The following ZNF248 variants were observed in gnomAD, a reference collection of about 807,000 sequenced individuals.
ZNF248 encodes the protein zinc finger protein 248.
In ZNF248, 20 loss-of-function variants were observed where a neutral mutation model predicts 44.3. The observed-to-expected ratio is 0.45, with a 90% confidence interval of 0.32 to 0.66. ZNF248 has a LOEUF of 0.66. Among genes scored for constraint, ZNF248 ranks in the 30% least tolerant of loss-of-function variants. ZNF248 has a pLI of 0.04. For synonymous variants in ZNF248, 224 were observed against 229.0 expected (o/e 0.98, Z 0.20); for missense variants, 654 against 677.0 (o/e 0.97, Z 0.38).
intron 3 of ZNF248, among the ~76,000 whole-genome samples, chr10:37,841,349 T>A (rs968886163): frequency 6.6e-6 from 1 of 152,120 alleles, no homozygotes; most frequent in Non-Finnish European, 1.5e-5. Context: ...TATTTTAAAG[T>A]TATGTTCTAT....
intron 6 of ZNF248, among the ~76,000 whole-genome samples, chr10:37,804,516 C>T (rs1444925709): frequency 6.6e-6 from 1 of 152,162 alleles, no homozygotes; most frequent in Non-Finnish European, 1.5e-5. Flanking sequence ...TCACTGCAAC[C>T]TCCGCCTCCC....
In ZNF248 at chr10:37,812,288, G is replaced by A. The variant is rs552106956; in HGVS notation, c.330+20737C>T. On this transcript the variant is annotated intron_variant, in intron 6 of 6. Coordinates refer to the ZNF248 transcript ENST00000615949. ...AGGAGGAAGGATATCTGCTTGAACA[G>A]GTCTTTAATGTAGACAAAAGTGTCT... Among the ~76,000 whole-genome samples, 259 of 151,926 alleles carry A rather than the reference G, an allele frequency of 1.7e-3. 1 individual carries two copies. The highest frequency in any genetic ancestry group is 3.2e-3 in the Non-Finnish European group (219 of 67,976).
chr10:37,828,139 G>A, downstream of ZNF248, among the ~76,000 whole-genome samples: 1 of 152,144 alleles, frequency 6.6e-6, no homozygotes, highest in Non-Finnish European at 1.5e-5. Flanking sequence ...GTACATTACA[G>A]GTAATTAGGG....
At chr10:37,820,388 T>A in intron 6 of ZNF248, 3 of 1,488,120 alleles carry the variant, frequency 2.0e-6, no homozygotes, top group Non-Finnish European at 2.8e-6. Flanking sequence ...TTGTTAGCAT[T>A]GCTGACATGA....
the ZNF248 span, among the ~76,000 whole-genome samples, chr10:37,764,766 A>T: frequency 6.6e-6 from 1 of 152,170 alleles, no homozygotes; most frequent in Non-Finnish European, 1.5e-5. Flanking sequence ...GACTGTTAAG[A>T]TCATCAGAAA....
intron 6 of ZNF248, among the ~76,000 whole-genome samples, chr10:37,811,632 C>A (rs1461825840): frequency 6.7e-6 from 1 of 148,882 alleles, no homozygotes; most frequent in Non-Finnish European, 1.5e-5. Flanking sequence ...CCCAAGAGTT[C>A]AAGACCAGTC....
chr10:37,800,350 T>C (rs1242490141), intron 6 of ZNF248, among the ~76,000 whole-genome samples: 4 of 152,186 alleles, frequency 2.6e-5, no homozygotes, highest in Non-Finnish European at 5.9e-5. Flanking sequence ...CTCCCTCTTA[T>C]AAGTAAGAAT....
chr10:37,818,271 C>T (rs1487988238), intron 6 of ZNF248, among the ~76,000 whole-genome samples: 1 of 152,126 alleles, frequency 6.6e-6, no homozygotes, highest in Non-Finnish European at 1.5e-5. Flanking sequence ...CATCAGGAAC[C>T]CCCGTGAGTC....
In ZNF248 at chr10:37,781,063, T is replaced by C. The variant is rs573016505; in HGVS notation, c.331-4488A>G. ...GACCCTTGTAATGTACTGGGTTTAA[T>C]AGTGCGCTTTCAAAATTCTTGTCTA... is the stretch of plus-strand genomic sequence containing the variant. On this transcript the variant is annotated intron_variant, in intron 6 of 6. Coordinates refer to the ZNF248 transcript ENST00000615949. Among the ~76,000 whole-genome samples, 3 of 152,294 alleles carry C rather than the reference T, an allele frequency of 2.0e-5. No individual in the cohort carries two copies. In the East Asian group the frequency reaches 5.8e-4, roughly 29 times the overall value.
chr10:37,825,449 T>C (rs2054230576), downstream of ZNF248, among the ~76,000 whole-genome samples: 1 of 152,132 alleles, frequency 6.6e-6, no homozygotes, highest in South Asian at 2.1e-4. Context: ...ATTTTTTCTT[T>C]TGTTTTTGAG....
chr10:37,836,865 A>G (rs1480407348), intron 5 of ZNF248, among the ~76,000 whole-genome samples: 2 of 151,960 alleles, frequency 1.3e-5, no homozygotes, highest in African/African-American at 4.8e-5. Flanking sequence ...TTATTCTGTT[A>G]ATTACCTAAA....
rs1007820608 is a variant in ZNF248, at chr10:37,837,554, C to T, written c.238+63G>A. On this transcript the variant is annotated intron_variant, in intron 5 of 5. Transcript: ENST00000395867. ...AAAAATATTCCAAAGGTGACAAATC[C>T]TAAACCAATTACCTAAGTTCTAATT... 1.3e-5 allele frequency: 18 copies of T among 1,406,082 alleles called. No homozygotes were observed. The East Asian group carries it at 3.9e-4, about 30-fold the overall frequency. 87.1% of individuals were successfully genotyped at this position (1,406,082 alleles called of 1,614,324 possible). A position where few individuals can be genotyped will look rare whatever the true frequency, so the allele number is the denominator to read the frequency against.
intron 5 of ZNF248, among the ~76,000 whole-genome samples, chr10:37,836,195 T>C (rs889258199): frequency 1.3e-5 from 2 of 152,024 alleles, no homozygotes; most frequent in Non-Finnish European, 2.9e-5. Context: ...CTATCCTCTC[T>C]CCTCTGAAGC....
downstream of ZNF248, among the ~76,000 whole-genome samples, chr10:37,824,997 T>C (rs925100509): frequency 1.1e-4 from 17 of 151,668 alleles, no homozygotes; most frequent in Admixed American, 3.3e-4. Context: ...CAAAATTACT[T>C]AAAAGCTTGA....
chr10:37,793,928 TATA>T lies in ZNF248; in HGVS notation c.331-17356_331-17354del, dbSNP rs200529742. On this transcript the variant is annotated intron_variant, in intron 6 of 6. Transcript: ENST00000615949. ...ATCCCTAAAAATGGATTCTCAGATG[TATA>T]ATTTTTTTAAATCTTGTCAAATGTT... Among the ~76,000 whole-genome samples the T allele has an allele frequency of 6.6e-5, 10 of 152,306 alleles. No homozygotes were observed. In the East Asian group the frequency reaches 1.9e-3, roughly 29 times the overall value.
At chr10:37,813,009 G>A (rs904965269) in intron 6 of ZNF248, among the ~76,000 whole-genome samples, 7 of 145,122 alleles carry the variant, frequency 4.8e-5, no homozygotes, top group East Asian at 2.0e-4. Flanking sequence ...AAAAGAGATC[G>A]TGGATATGGC....
intron 3 of ZNF248, among the ~76,000 whole-genome samples, chr10:37,839,840 C>T (rs200932): frequency 0.044 from 6,675 of 152,262 alleles, 208 homozygotes; most frequent in Middle Eastern, 0.078. Context: ...GACATTTATA[C>T]AATACTTCAT....
chr10:37,787,484 G>A (rs1029695300), intron 6 of ZNF248, among the ~76,000 whole-genome samples: 1 of 148,216 alleles, frequency 6.7e-6, no homozygotes, highest in Non-Finnish European at 1.5e-5. Context: ...TTTTGCTTTT[G>A]TATGTATGTT....
chr10:37,816,170 G>T (rs1028144135), intron 6 of ZNF248, among the ~76,000 whole-genome samples: 12 of 151,966 alleles, frequency 7.9e-5, no homozygotes, highest in African/African-American at 2.9e-4. Context: ...TGAAGGCCAG[G>T]GGGGAAGCAA....
Sources: allele counts gnomAD v4.1 joint callset (sites outside exome capture counted in the v4.1 genomes callset), GRCh38; gene constraint gnomAD v4.1.1; transcripts MANE v1.5; gene names NCBI Gene and HGNC (gene_info 2026-07-23, HGNC 2026-07-21).